The following C8orf74 variants were observed in gnomAD, a reference collection of about 807,000 sequenced individuals.
The protein encoded by C8orf74 is uncharacterized protein C8orf74.
In C8orf74, 29 loss-of-function variants were observed where a neutral mutation model predicts 22.2. The ratio of observed to expected loss-of-function variants is 1.31; its 90% CI spans 0.97 to 1.78. The LOEUF (loss-of-function observed/expected upper bound fraction) is 1.78. Ranked by LOEUF, C8orf74 falls within the 40% of genes most tolerant of loss-of-function variation. The pLI is 0.00. For missense variants in C8orf74, 515 were observed against 369.9 expected (o/e 1.39, Z -3.22); for synonymous variants, 255 against 163.1 (o/e 1.56, Z -4.30).
intron 2 of C8orf74, 114 bp from the exon 3 acceptor site, chr8:10,697,485 G>A: frequency 1.2e-6 from 1 of 809,094 alleles, no homozygotes; most frequent in Non-Finnish European, 2.0e-6. Context: ...TTTTAAAAAT[G>A]CAGTGGGGAC....
chr8:10,694,569 G>A (rs1799449391), intron 2 of C8orf74, among the ~76,000 whole-genome samples: 1 of 152,218 alleles, frequency 6.6e-6, no homozygotes, highest in Non-Finnish European at 1.5e-5. Flanking sequence ...CCCTTGCTCA[G>A]TAAATTGGCA....
rs1249484037 is a variant in C8orf74 at position 10,697,638 on chromosome 8, A to C, written c.281A>C (p.Lys94Thr). 6.2e-7 allele frequency: 1 copy of C among 1,613,912 alleles called. No individual in the cohort carries two copies. Among genetic ancestry groups the C allele is most frequent in the South Asian group, 1.1e-5 (1 of 91,072 alleles). ...GAGGCTGTGACGATCCTGGGGAACAAGCTTAGAGATTACCGGGGCCATTTC... is the reference window on the plus strand; with the variant it reads ...GAGGCTGTGACGATCCTGGGGAACACGCTTAGAGATTACCGGGGCCATTTC... Reference protein sequence around the residue: ...ITEAVTILGNKLRDYRGHFNT... With the variant: ...ITEAVTILGNTLRDYRGHFNT... Residue 94 changes from lysine to threonine, a missense_variant, in exon 3 of 4, where the codon AAG becomes ACG. Coordinates refer to ENST00000304519, the MANE Select transcript of C8orf74 (RefSeq NM_001040032.2).
At chr8:10,689,790 A>G (rs1799335396) in intron 2 of C8orf74, 1 of 152,240 alleles carries the variant, frequency 6.6e-6, no homozygotes, top group Non-Finnish European at 1.5e-5. Context: ...AAGAGGAAGT[A>G]CATTTACCCT....
chr8:10,685,787 C>T lies in C8orf74; in HGVS notation c.241+10949C>T, dbSNP rs139521220. On this transcript the variant is annotated intron_variant, in intron 2 of 3. Coordinates refer to ENST00000304519, the MANE Select transcript of C8orf74 (RefSeq NM_001040032.2). ...CTATAAACTTAAAAATAGTTATAAT[C>T]GGCCGGGTAAAGTGGCTCACGCCTG... Among the ~76,000 whole-genome samples the T allele has an allele frequency of 1.7e-3, 252 of 152,248 alleles. 2 individuals are homozygous for T. The highest frequency in any genetic ancestry group is 5.9e-3 in the African/African-American group (244 of 41,536).
chr8:10,674,918 G>T, intron 2 of C8orf74, 80 bp downstream of exon 2: 3 of 1,232,404 alleles, frequency 2.4e-6, no homozygotes, highest in South Asian at 3.1e-5. Context: ...GCCGTCCACA[G>T]CCCCAGCAGC....
chr8:10,693,006 G>C (rs143586742), intron 2 of C8orf74: 11 of 152,420 alleles, frequency 7.2e-5, no homozygotes, highest in African/African-American at 2.6e-4. Flanking sequence ...ACTCCATCGG[G>C]GGTAGGGAGA....
intron 2 of C8orf74, among the ~76,000 whole-genome samples, chr8:10,695,263 A>G (rs898573671): frequency 3.3e-5 from 5 of 152,148 alleles, no homozygotes; most frequent in Admixed American, 3.3e-4. Flanking sequence ...TGAATTTTAC[A>G]TTTGAGAGAA....
chr8:10,679,343 G>A (rs539632237), intron 2 of C8orf74, among the ~76,000 whole-genome samples: 8 of 152,100 alleles, frequency 5.3e-5, no homozygotes, highest in Non-Finnish European at 1.0e-4. Flanking sequence ...TGCATGCCCC[G>A]CCCGGACAGC....
chr8:10,695,736 G>C (rs1253648775), intron 2 of C8orf74, among the ~76,000 whole-genome samples: 1 of 152,200 alleles, frequency 6.6e-6, no homozygotes, highest in Admixed American at 6.5e-5. Flanking sequence ...CTCTAGCTGG[G>C]GGTGGGGAAA....
chr8:10,686,491 C>A (rs1324729018), intron 2 of C8orf74: 3 of 152,380 alleles, frequency 2.0e-5, no homozygotes, highest in Non-Finnish European at 4.4e-5. Flanking sequence ...CCAGAGCTTT[C>A]TGGGAAGATT....
chr8:10,687,962 T>C (rs1013813161), intron 2 of C8orf74, among the ~76,000 whole-genome samples: 1 of 152,064 alleles, frequency 6.6e-6, no homozygotes, highest in Non-Finnish European at 1.5e-5. Context: ...TCCCAGCACT[T>C]TGGGAGGCCG....
chr8:10,700,194 G>C (rs140949609), intron 3 of C8orf74, 41 bp from the exon 4 acceptor site: 2 of 1,353,822 alleles, frequency 1.5e-6, no homozygotes, highest in East Asian at 4.7e-5. Context: ...ATCCGGCGAG[G>C]CTCCCCAGCC....
intron 2 of C8orf74, among the ~76,000 whole-genome samples, chr8:10,693,916 C>G (rs191635141): frequency 5.4e-4 from 83 of 152,360 alleles, no homozygotes; most frequent in Admixed American, 9.1e-4. Context: ...CTCCATGCAG[C>G]TCTTGCCATC....
intron 2 of C8orf74, among the ~76,000 whole-genome samples, chr8:10,684,943 T>C (rs1054580982): frequency 3.9e-5 from 6 of 152,172 alleles, no homozygotes; most frequent in African/African-American, 1.2e-4. Flanking sequence ...AGATAGCTCC[T>C]AAGTGACCAA....
chr8:10,676,654 G>A lies in C8orf74; in HGVS notation c.241+1816G>A, dbSNP rs149699741. 5.3e-5 allele frequency among the ~76,000 whole-genome samples: 8 copies of A among 152,208 alleles called. No individual in the cohort carries two copies. The East Asian group carries it at 9.7e-4, about 18-fold the overall frequency. On this transcript the variant is annotated intron_variant, in intron 2 of 3. Coordinates refer to ENST00000304519, the MANE Select transcript of C8orf74 (RefSeq NM_001040032.2). ...GTGGTCCCAGCCTAAAGGCTAGAGC[G>A]AGACATGGCATCACTCACAGGCTGG...
At chr8:10,682,786 A>C (rs1799179054) in intron 2 of C8orf74, among the ~76,000 whole-genome samples, 1 of 152,230 alleles carries the variant, frequency 6.6e-6, no homozygotes, top group East Asian at 1.9e-4. Context: ...TCAGAAATCA[A>C]GACGGGGCCA....
At chr8:10,698,203 A>G (rs1799574089) in intron 3 of C8orf74, among the ~76,000 whole-genome samples, 198 bp downstream of exon 3, 1 of 152,202 alleles carries the variant, frequency 6.6e-6, no homozygotes, top group Admixed American at 6.5e-5. Flanking sequence ...TGATGAGACG[A>G]CTGAGGCGCA....
intron 2 of C8orf74, among the ~76,000 whole-genome samples, chr8:10,679,037 C>T (rs147367249): frequency 1.3e-5 from 2 of 152,212 alleles, no homozygotes; most frequent in South Asian, 2.1e-4. Flanking sequence ...GCCGTCACCT[C>T]CAGGCCCAGG....
chr8:10,680,461 C>G (rs935155798), intron 2 of C8orf74, among the ~76,000 whole-genome samples: 8 of 152,212 alleles, frequency 5.3e-5, no homozygotes, highest in African/African-American at 1.7e-4. Context: ...GGTCCCATAT[C>G]CACATCCACC....
Sources: allele counts gnomAD v4.1 joint callset (sites outside exome capture counted in the v4.1 genomes callset), GRCh38; gene constraint gnomAD v4.1.1; transcripts MANE v1.5; gene names NCBI Gene and HGNC (gene_info 2026-07-23, HGNC 2026-07-21).